FAM156A: variants seen among roughly 807,000 people sequenced by gnomAD.
FAM156A encodes protein FAM156A/FAM156B.
chrX:52,991,394 G>A (rs1273311050), intron 1 of FAM156A, among the ~76,000 whole-genome samples: 1 of 111,314 alleles, frequency 9.0e-6, no homozygotes, highest in African/African-American at 3.3e-5. Flanking sequence ...CCGCCTTCTT[G>A]TTGTACCTGT....
chrX:52,990,850 A>AGAAAAGAAAAGAAAG (rs1930709602), intron 1 of FAM156A, among the ~76,000 whole-genome samples: 1 of 110,111 alleles, frequency 9.1e-6, no homozygotes, highest in East Asian at 2.9e-4. Context: ...AGAAAAGAAA[A>AGAAAAGAAAAGAAAG]GAAAAGATGC....
chrX:52,993,611 C>T (rs1930959962), intron 1 of FAM156A, among the ~76,000 whole-genome samples: 1 of 109,797 alleles, frequency 9.1e-6, no homozygotes, highest in Admixed American at 9.8e-5. Context: ...GACGGGGTTT[C>T]ATCATGTTGG....
intron 1 of FAM156A, among the ~76,000 whole-genome samples, chrX:52,977,155 G>A (rs1425190566): frequency 1.9e-5 from 2 of 107,103 alleles, no homozygotes; most frequent in Admixed American, 2.1e-4. Context: ...TAAATGAAGA[G>A]AGAGAGTGCA....
chrX:52,982,115 T>C (rs1159996620), intron 1 of FAM156A, among the ~76,000 whole-genome samples: 2 of 111,692 alleles, frequency 1.8e-5, no homozygotes, highest in Non-Finnish European at 1.9e-5. Flanking sequence ...CTGGCCAACA[T>C]AGCAGAACCC....
At chrX:52,976,682 A>C (rs1277101024) in intron 1 of FAM156A, among the ~76,000 whole-genome samples, 1 of 111,164 alleles carries the variant, frequency 9.0e-6, no homozygotes, top group Non-Finnish European at 1.9e-5. Context: ...ATATTATACC[A>C]AAGCTATTTC....
chrX:52,989,169 G>C (rs189689488), intron 1 of FAM156A, among the ~76,000 whole-genome samples: 1 of 111,314 alleles, frequency 9.0e-6, no homozygotes, highest in Non-Finnish European at 1.9e-5. Flanking sequence ...AGCTCACTGG[G>C]CTCGTCTCGG....
intron 1 of FAM156A, among the ~76,000 whole-genome samples, chrX:52,974,300 C>T (rs1411963298): frequency 8.9e-6 from 1 of 112,135 alleles, no homozygotes; most frequent in African/African-American, 3.2e-5. Context: ...TAGGACATTA[C>T]TTGAAGTCTG....
At chrX:52,986,644 CA>C (rs1463445431) in intron 1 of FAM156A, among the ~76,000 whole-genome samples, 1 of 109,421 alleles carries the variant, frequency 9.1e-6, no homozygotes, top group Admixed American at 9.8e-5. Context: ...TGACAAAATT[CA>C]ACAGTCATTC....
intron 1 of FAM156A, among the ~76,000 whole-genome samples, chrX:52,992,944 G>C (rs1330922003): frequency 1.8e-5 from 2 of 111,681 alleles, no homozygotes; most frequent in African/African-American, 6.5e-5. Context: ...TCCAGCTGTG[G>C]GCTCAAGCCC....
At chrX:52,973,255 AGCT>A (rs1929172995) in intron 1 of FAM156A, among the ~76,000 whole-genome samples, 1 of 107,160 alleles carries the variant, frequency 9.3e-6, no homozygotes, top group African/African-American at 3.4e-5. Context: ...TCACATTTAT[AGCT>A]GCTGCAAAAA....
At chrX:52,989,842 G>C (rs1167847240) in intron 1 of FAM156A, among the ~76,000 whole-genome samples, 3 of 112,378 alleles carry the variant, frequency 2.7e-5, no homozygotes, top group Admixed American at 1.9e-4. Flanking sequence ...GATCCAGGCT[G>C]GTGCCCTCAG....
At chrX:52,980,780 C>CTGTGTGTGTGTG (rs1569204366) in intron 1 of FAM156A, among the ~76,000 whole-genome samples, 2 of 61,836 alleles carry the variant, frequency 3.2e-5, no homozygotes, top group Non-Finnish European at 6.0e-5. Context: ...GTTAGGGTTC[C>CTGTGTGTGTGTG]TCTGTGTGTG....
intron 1 of FAM156A, among the ~76,000 whole-genome samples, chrX:52,988,970 C>T (rs1342576750): frequency 8.9e-6 from 1 of 112,489 alleles, no homozygotes; most frequent in Admixed American, 9.4e-5. Flanking sequence ...AAATCAAACA[C>T]TAATTAACGA....
intron 1 of FAM156A, among the ~76,000 whole-genome samples, chrX:52,973,408 T>C (rs1282238694): frequency 1.8e-5 from 2 of 108,919 alleles, no homozygotes; most frequent in Non-Finnish European, 3.8e-5. Context: ...AAATTTAAAG[T>C]CATCCATCAG....
chrX:52,975,221 G>T (rs1929371875), intron 1 of FAM156A, among the ~76,000 whole-genome samples: 3 of 111,474 alleles, frequency 2.7e-5, no homozygotes, highest in Non-Finnish European at 3.8e-5. Flanking sequence ...CCTCAAAGAT[G>T]CCACGGCATG....
Position 52,977,019 on chromosome X carries a change from TATATATATATACACACACAC to T in FAM156A, c.-433-12804_-433-12785del, listed in dbSNP as rs1929520208. ...CACGATGCCTGTGGCACTATACATA[TATATATATATACACACACAC>T]ATATATATATACACACACATATATA... On this transcript the variant is annotated intron_variant, in intron 1 of 4. Transcript: ENST00000610625. Among the ~76,000 whole-genome samples, 15 of 107,006 alleles carry T rather than the reference TATATATATATACACACACAC, an allele frequency of 1.4e-4. No individual in the cohort carries two copies. The South Asian group carries it at 5.7e-3, about 40-fold the overall frequency. The allele number at this position is 107,006 out of a possible 115,157, so 92.9% of individuals were successfully genotyped here.
At chrX:52,991,699 G>C (rs193108410) in intron 1 of FAM156A, among the ~76,000 whole-genome samples, 20 of 112,472 alleles carry the variant, frequency 1.8e-4, no homozygotes, top group African/African-American at 6.5e-4. Flanking sequence ...TGGGGACAAT[G>C]ACAGTTACCA....
chrX:52,974,452 G>T (rs782381720), intron 1 of FAM156A, among the ~76,000 whole-genome samples: 2 of 111,876 alleles, frequency 1.8e-5, no homozygotes, highest in South Asian at 7.5e-4. Flanking sequence ...ACATAGTTGA[G>T]GCTTGGCAAA....
rs1298055302 is a variant in FAM156A at position 52,983,820 on chromosome X, T to C, written c.-434+11486A>G. 5.3e-5 allele frequency among the ~76,000 whole-genome samples: 6 copies of C among 112,536 alleles called. No homozygotes were observed. The Admixed American group carries it at 5.6e-4, about 11-fold the overall frequency. ...TTGGATGTGTTCTTTTTAAATTCTG[T>C]AAGTAACATTTACCTCTCACAAGAG... On this transcript the variant is annotated intron_variant, in intron 1 of 4. Coordinates refer to the FAM156A transcript ENST00000610625.
Sources: gnomAD v4.1 joint callset for allele counts (sites outside exome capture counted in the v4.1 genomes callset) on GRCh38, gnomAD v4.1.1 for gene constraint, MANE v1.5 for transcripts, NCBI Gene and HGNC (gene_info 2026-07-23, HGNC 2026-07-21) for gene names.